Variants in ANKS1B observed in about 807,000 individuals in gnomAD.
ANKS1B encodes the protein ankyrin repeat and sterile alpha motif domain containing 1B, also known as ankyrin repeat and sterile alpha motif domain-containing protein 1B.
Under a neutral mutation model 148.3 loss-of-function variants are expected in ANKS1B, and 36 were observed. That is an observed-to-expected ratio of 0.24 (90% CI 0.19 to 0.32). The LOEUF (loss-of-function observed/expected upper bound fraction) is 0.32. Ranked by LOEUF, ANKS1B falls within the 10% of genes least tolerant of loss-of-function variation. The probability of loss-of-function intolerance (pLI) is 1.00; values close to 1 mark genes in which losing one functional copy is unlikely to be tolerated. For missense variants in ANKS1B, 1,157 were observed against 1,542.6 expected (o/e 0.75, Z 4.19); for synonymous variants, 542 against 560.8 (o/e 0.97, Z 0.47).
intron 1 of ANKS1B, among the ~76,000 whole-genome samples, chr12:99,832,404 A>G (rs2084155818): frequency 6.6e-6 from 1 of 152,100 alleles, no homozygotes; most frequent in Non-Finnish European, 1.5e-5. Context: ...CCTGTCCAAC[A>G]TGGTGAAACT....
At chr12:99,232,478 G>A (rs759599223) in intron 14 of ANKS1B, among the ~76,000 whole-genome samples, 1 of 152,184 alleles carries the variant, frequency 6.6e-6, no homozygotes, top group South Asian at 2.1e-4. Flanking sequence ...TGTGAAGCCT[G>A]AGCGCTTGAT....
At chr12:99,801,222 G>GC (rs994167843) in intron 4 of ANKS1B, among the ~76,000 whole-genome samples, 1 of 152,122 alleles carries the variant, frequency 6.6e-6, no homozygotes, top group Admixed American at 6.6e-5. Flanking sequence ...CACAATCAAT[G>GC]CCCCCCTGCC....
At chr12:98,878,865 C>A (rs1281993436) in intron 17 of ANKS1B, among the ~76,000 whole-genome samples, 1 of 152,160 alleles carries the variant, frequency 6.6e-6, no homozygotes, top group Admixed American at 6.5e-5. Flanking sequence ...CCCTTGCATA[C>A]AAAGCGGGTT....
intron 10 of ANKS1B, among the ~76,000 whole-genome samples, chr12:99,498,268 T>C (rs891499013): frequency 7.2e-5 from 11 of 152,236 alleles, no homozygotes; most frequent in Non-Finnish European, 1.3e-4. Context: ...GATCATGCCA[T>C]GTTCACTTCT....
At chr12:99,748,690 C>T (rs955645698) in intron 8 of ANKS1B, among the ~76,000 whole-genome samples, 2 of 151,764 alleles carry the variant, frequency 1.3e-5, no homozygotes, top group African/African-American at 4.8e-5. Context: ...TACGTTGAAT[C>T]GTGGTAAGTT....
At chr12:98,861,100 C>T (rs192198549) in intron 17 of ANKS1B, among the ~76,000 whole-genome samples, 14 of 152,214 alleles carry the variant, frequency 9.2e-5, no homozygotes, top group Middle Eastern at 3.4e-3. Context: ...GTTAGGTAGG[C>T]GGGAAGGACC....
chr12:99,002,067 T>C (rs2099933321), intron 17 of ANKS1B, among the ~76,000 whole-genome samples: 1 of 152,344 alleles, frequency 6.6e-6, no homozygotes, highest in South Asian at 2.1e-4. Context: ...ACACTTAGGT[T>C]GTTTCCATAC....
intron 16 of ANKS1B, among the ~76,000 whole-genome samples, chr12:99,062,673 G>A (rs1367802515): frequency 6.6e-6 from 1 of 152,128 alleles, no homozygotes; most frequent in Non-Finnish European, 1.5e-5. Context: ...GCTGCCCTAG[G>A]TTGGGGAGTT....
At chr12:99,314,855 TG>T (rs1485523423) in intron 12 of ANKS1B, among the ~76,000 whole-genome samples, 2 of 152,162 alleles carry the variant, frequency 1.3e-5, no homozygotes, top group African/African-American at 4.8e-5. Flanking sequence ...GACATAGGCA[TG>T]GGCAAAGATT....
intron 8 of ANKS1B, among the ~76,000 whole-genome samples, chr12:99,764,135 A>G (rs1216226473): frequency 6.6e-6 from 1 of 152,222 alleles, no homozygotes; most frequent in Non-Finnish European, 1.5e-5. Flanking sequence ...GACCTGTTCT[A>G]TCAATTCAAT....
chr12:98,987,777 A>T (rs955444381), intron 17 of ANKS1B, among the ~76,000 whole-genome samples: 1 of 152,114 alleles, frequency 6.6e-6, no homozygotes, highest in East Asian at 1.9e-4. Context: ...AAAAGATAAG[A>T]CTAGATTGAC....
At chr12:99,782,420 G>A (rs563242348) in intron 4 of ANKS1B, among the ~76,000 whole-genome samples, 27 of 152,246 alleles carry the variant, frequency 1.8e-4, no homozygotes, top group Admixed American at 1.1e-3. Context: ...TTAGCCACAG[G>A]TGGTGGTATG....
At chr12:99,259,394 G>A (rs1338568062) in intron 12 of ANKS1B, among the ~76,000 whole-genome samples, 1 of 152,146 alleles carries the variant, frequency 6.6e-6, no homozygotes, top group Non-Finnish European at 1.5e-5. Context: ...AAGCCACCCA[G>A]GTAAGCTCTG....
intron 17 of ANKS1B, among the ~76,000 whole-genome samples, chr12:98,954,792 A>G (rs1343478493): frequency 6.6e-6 from 1 of 152,196 alleles, no homozygotes; most frequent in African/African-American, 2.4e-5. Context: ...TCATACTGCT[A>G]CTTAACTTTC....
At chr12:99,001,577 TTTAAG>T (rs138260520) in intron 17 of ANKS1B, among the ~76,000 whole-genome samples, 33,910 of 151,968 alleles carry the variant, frequency 0.22, 3,819 homozygotes, top group African/African-American at 0.24. Context: ...TATGTGATAA[TTTAAG>T]TTGTGAAATG....
chr12:99,445,758 A>G (rs2095626925), intron 10 of ANKS1B, among the ~76,000 whole-genome samples: 1 of 151,808 alleles, frequency 6.6e-6, no homozygotes, highest in African/African-American at 2.4e-5. Context: ...TCTCACTACC[A>G]TCACCCAGGC....
chr12:99,359,646 A>G (rs1269293845), intron 12 of ANKS1B, among the ~76,000 whole-genome samples: 1 of 152,156 alleles, frequency 6.6e-6, no homozygotes, highest in Admixed American at 6.6e-5. Flanking sequence ...GTTCATTTAC[A>G]TAGGTACCAC....
intron 12 of ANKS1B, among the ~76,000 whole-genome samples, chr12:99,300,825 T>C (rs929959137): frequency 2.0e-5 from 3 of 152,166 alleles, no homozygotes; most frequent in Non-Finnish European, 4.4e-5. Context: ...TTGATGCACA[T>C]GTAAAGGCTA....
intron 9 of ANKS1B, among the ~76,000 whole-genome samples, chr12:99,619,099 A>G (rs965099433): frequency 1.3e-5 from 2 of 151,996 alleles, no homozygotes; most frequent in Admixed American, 1.3e-4. Flanking sequence ...CCCTGAGTTC[A>G]TGGTGCAGCA....
Sources: allele counts gnomAD v4.1 joint callset (sites outside exome capture counted in the v4.1 genomes callset), GRCh38; gene constraint gnomAD v4.1.1; transcripts MANE v1.5; gene names NCBI Gene and HGNC (gene_info 2026-07-23, HGNC 2026-07-21).